CENPI: variants seen among roughly 807,000 people sequenced by gnomAD.
CENPI encodes centromere protein I.
CENPI carries 4 observed loss-of-function variants against 60.4 expected under a neutral mutation model. The observed-to-expected ratio is 0.07, with a 90% CI of 0.03 to 0.15. The LOEUF is 0.15. Among genes scored for constraint, CENPI ranks in the 10% least tolerant of loss-of-function variants. The pLI is 1.00. For synonymous variants in CENPI, 157 were observed against 189.4 expected, an observed-to-expected ratio of 0.83 and a Z score of 1.40; for missense variants, 444 against 534.5, an observed-to-expected ratio of 0.83 and a Z score of 1.67.
intron 20 of CENPI, among the ~76,000 whole-genome samples, chrX:101,150,312 C>T (rs1314247579): frequency 9.3e-6 from 1 of 107,437 alleles, no homozygotes; most frequent in Non-Finnish European, 1.9e-5. Context: ...ATTTTACATG[C>T]AGTTAGGTAC....
intron 2 of CENPI, among the ~76,000 whole-genome samples, chrX:101,099,074 G>C (rs961966787): frequency 3.8e-5 from 4 of 105,646 alleles, no homozygotes; most frequent in African/African-American, 6.8e-5. Flanking sequence ...GTCTCTGTCT[G>C]TCTCTCTCTC....
In CENPI at chrX:101,140,001, ATT is replaced by A. The variant is rs779892345; in HGVS notation, c.1471-658_1471-657del. Reference sequence around the variant, plus strand: ...AGGCGCCCGCCACCACGCCTGGCTAATTTTTTTTGTATTTTTAGTAGAGACGG... The same window carrying A: ...AGGCGCCCGCCACCACGCCTGGCTAATTTTTTGTATTTTTAGTAGAGACGG... On this transcript the variant is annotated intron_variant, in intron 15 of 21. Coordinates refer to ENST00000682095, the MANE Select transcript of CENPI (RefSeq NM_001386188.2). Among the ~76,000 whole-genome samples, 23 of 109,358 alleles carry A rather than the reference ATT, an allele frequency of 2.1e-4. No homozygotes were observed. The East Asian group carries it at 4.0e-3, about 19-fold the overall frequency. 95.0% of individuals were successfully genotyped at this position (109,358 alleles called of 115,157 possible).
intron 6 of CENPI, among the ~76,000 whole-genome samples, chrX:101,113,520 G>A (rs2089582118): frequency 9.1e-6 from 1 of 110,244 alleles, no homozygotes; most frequent in African/African-American, 3.3e-5. Flanking sequence ...GTTTCTCCAG[G>A]TTGGTCAGGC....
Position 101,101,059 on chromosome X carries a change from A to G in CENPI, c.-12A>G. On this transcript the variant is annotated splice_region_variant and 5_prime_UTR_variant, in exon 3 of 22. Transcript: ENST00000682095. ...AACTTAACACTTGTTTCTGTGTAGA[A>G]CATATGCAGTAATGTCACCTCAAAA... 1 of 1,168,587 alleles carries G rather than the reference A, an allele frequency of 8.6e-7. No individual in the cohort carries two copies. The highest frequency in any genetic ancestry group is 1.8e-5 in the African/African-American group (1 of 56,989).
At chrX:101,173,305 G>A in the CENPI span, among the ~76,000 whole-genome samples, 1 of 95,782 alleles carries the variant, frequency 1.0e-5, no homozygotes, top group African/African-American at 3.9e-5. Context: ...GAGCCACCAT[G>A]CCTGGCCTCT....
chrX:101,162,473 A>AATATATATAT (rs1556409815), intron 21 of CENPI, among the ~76,000 whole-genome samples: 3 of 68,127 alleles, frequency 4.4e-5, no homozygotes, highest in African/African-American at 2.1e-4. Flanking sequence ...AAAAAAAAAA[A>AATATATATAT]ATATATATAT....
chrX:101,107,742 C>T (rs2089500406), intron 4 of CENPI, among the ~76,000 whole-genome samples: 1 of 109,731 alleles, frequency 9.1e-6, no homozygotes, highest in African/African-American at 3.3e-5. Context: ...GATCTTGGCT[C>T]ACTGCAACCT....
intron 21 of CENPI, among the ~76,000 whole-genome samples, chrX:101,162,473 A>ATATATATATATATATATATATATATATAT (rs1556409814): frequency 2.9e-5 from 2 of 68,108 alleles, no homozygotes; most frequent in African/African-American, 1.4e-4. Flanking sequence ...AAAAAAAAAA[A>ATATATATATATATATATATATATATATAT]ATATATATAT....
At position 101,102,422 on chromosome X, in the gene CENPI, G is replaced by C; in HGVS notation, c.364+11G>C. On this transcript the variant is annotated intron_variant, in intron 4 of 21. Coordinates refer to ENST00000682095, the MANE Select transcript of CENPI (RefSeq NM_001386188.2). ...TCAGTGGCAAATTTGGTATGTTGAG[G>C]AAATGCTTTTTTTTTCTTTTAACTC... 1 of 1,113,785 alleles carries C rather than the reference G, an allele frequency of 9.0e-7. No homozygotes were observed. Among genetic ancestry groups the C allele is most frequent in the Non-Finnish European group, 1.2e-6 (1 of 842,526 alleles). The allele number at this position is 1,113,785 out of a possible 1,213,427, so 91.8% of individuals were successfully genotyped here. A position where few individuals can be genotyped will look rare whatever the true frequency, so the allele number is the denominator to read the frequency against.
chrX:101,107,334 CA>C (rs768774819), intron 4 of CENPI, among the ~76,000 whole-genome samples: 255 of 104,132 alleles, frequency 2.4e-3, no homozygotes, highest in Non-Finnish European at 4.3e-3. Context: ...GTATAATTTA[CA>C]TACCATAAAA....
At chrX:101,110,353 C>A (rs1421407627) in intron 6 of CENPI, among the ~76,000 whole-genome samples, 2 of 112,049 alleles carry the variant, frequency 1.8e-5, no homozygotes, top group East Asian at 2.8e-4. Context: ...TAAACCACTT[C>A]AACAGAGTCC....
chrX:101,123,029 C>T (rs2148180201), intron 8 of CENPI, among the ~76,000 whole-genome samples: 1 of 112,534 alleles, frequency 8.9e-6, no homozygotes, highest in African/African-American at 3.2e-5. Flanking sequence ...CCACTCTATA[C>T]AGTACATCAC....
chrX:101,124,116 T>C (rs905433694), intron 8 of CENPI, among the ~76,000 whole-genome samples: 1 of 108,289 alleles, frequency 9.2e-6, no homozygotes, highest in African/African-American at 3.4e-5. Flanking sequence ...TGTGTGTGTG[T>C]GTGTGTGTGT....
At chrX:101,150,254 T>C (rs912982286) in intron 20 of CENPI, among the ~76,000 whole-genome samples, 4 of 107,522 alleles carry the variant, frequency 3.7e-5, no homozygotes, top group African/African-American at 1.4e-4. Context: ...TGCAGGTCTT[T>C]TTCCCCCTGC....
chrX:101,162,122 G>A (rs998128382), intron 21 of CENPI, among the ~76,000 whole-genome samples: 2 of 108,995 alleles, frequency 1.8e-5, no homozygotes, highest in Admixed American at 2.0e-4. Flanking sequence ...TGATTTTTTA[G>A]TAGAGAAGAT....
chrX:101,143,372 T>A (rs2089932603), intron 16 of CENPI, among the ~76,000 whole-genome samples: 1 of 111,854 alleles, frequency 8.9e-6, no homozygotes, highest in East Asian at 2.8e-4. Context: ...ATGGATGGAT[T>A]GAACTAATAC....
At chrX:101,170,750 G>A (rs978511170), downstream of CENPI, among the ~76,000 whole-genome samples, 8 of 111,205 alleles carry the variant, frequency 7.2e-5, no homozygotes, top group African/African-American at 2.3e-4. Flanking sequence ...TCCCACCTCA[G>A]CCTCCCAAGT....
chrX:101,120,751 T>C lies in CENPI; in HGVS notation c.654T>C (p.Arg218=). The change falls in exon 8 of 22, where the codon CGT becomes CGC. Residue 218 remains arginine, a synonymous_variant. Transcript: ENST00000682095. ...LTKKENVKPF[R]VRKLLDLQAK... is the part of the protein sequence containing the mutation. ...TATGTTTTCTAGTCAAACCATTTCG[T>C]GTGAGAAAACTGCTTGATCTTCAGG... The C allele has an allele frequency of 4.1e-6, 5 of 1,209,685 alleles. No individual in the cohort carries two copies. The highest frequency in any genetic ancestry group is 5.6e-6 in the Non-Finnish European group (5 of 893,836).
At chrX:101,119,359 T>G (rs1183875096) in intron 6 of CENPI, among the ~76,000 whole-genome samples, 1 of 112,006 alleles carries the variant, frequency 8.9e-6, no homozygotes, top group Non-Finnish European at 1.9e-5. Flanking sequence ...TCTTTGCTCT[T>G]GTTGCTTTCT....
Sources: gnomAD v4.1 joint callset for allele counts (sites outside exome capture counted in the v4.1 genomes callset) on GRCh38, gnomAD v4.1.1 for gene constraint, MANE v1.5 for transcripts, NCBI Gene and HGNC (gene_info 2026-07-23, HGNC 2026-07-21) for gene names.